The following SLIT3 variants were observed in gnomAD, a reference collection of about 807,000 sequenced individuals.
SLIT3 encodes slit homolog 3 protein.
SLIT3 carries 68 observed loss-of-function variants against 184.0 expected under a neutral mutation model. The ratio of observed to expected loss-of-function variants is 0.37; its 90% confidence interval spans 0.30 to 0.45. SLIT3 has a LOEUF of 0.45. Among genes scored for constraint, SLIT3 ranks in the 20% least tolerant of loss-of-function variants. The pLI is 1.00. For missense variants in SLIT3, 1,707 were observed against 2,026.0 expected (o/e 0.84, Z 3.02); for synonymous variants, 831 against 828.6 (o/e 1.00, Z -0.05).
chr5:169,036,819 T>A (rs1481929587), intron 4 of SLIT3, among the ~76,000 whole-genome samples: 1 of 152,168 alleles, frequency 6.6e-6, no homozygotes, highest in Non-Finnish European at 1.5e-5. Context: ...GTTCAGAGAT[T>A]TCACTCGGTA....
rs550203874 is a variant in SLIT3 at position 168,860,564 on chromosome 5, C to T, written c.486-15909G>A. On this transcript the variant is annotated intron_variant, in intron 5 of 35. Transcript: ENST00000519560. The stretch of plus-strand genomic sequence containing the variant: ...TCTTGGCAGGGGAGAGAGACTGCCC[C>T]TCCCAGAGCTAGCTCATTCCTAGAG... Among the ~76,000 whole-genome samples, 7 of 152,176 alleles carry T rather than the reference C, an allele frequency of 4.6e-5. No homozygotes were observed. The South Asian group carries it at 1.0e-3, about 23-fold the overall frequency.
chr5:168,875,865 T>C (rs910960606), intron 5 of SLIT3, among the ~76,000 whole-genome samples: 3 of 151,922 alleles, frequency 2.0e-5, no homozygotes, highest in African/African-American at 4.8e-5. Context: ...CATTTTTAGG[T>C]AGCACTCAGC....
chr5:169,289,977 GCTAGGGCACACA>G (rs1030747613), intron 1 of SLIT3, among the ~76,000 whole-genome samples: 7 of 151,012 alleles, frequency 4.6e-5, no homozygotes, highest in African/African-American at 1.7e-4. Context: ...TAGGGAATAT[GCTAGGGCACACA>G]CTAGGGCATA....
chr5:169,129,175 G>A (rs1180219549), intron 4 of SLIT3, among the ~76,000 whole-genome samples: 7 of 152,138 alleles, frequency 4.6e-5, no homozygotes, highest in Admixed American at 4.6e-4. Context: ...TTTGCACCAG[G>A]AGAGCACGTG....
chr5:169,202,785 G>A (rs1763943121), intron 3 of SLIT3, among the ~76,000 whole-genome samples: 1 of 150,312 alleles, frequency 6.7e-6, no homozygotes, highest in African/African-American at 2.4e-5. Flanking sequence ...CAAGCACAAA[G>A]CCCCCCCACC....
At chr5:168,777,784 C>T (rs1237852896) in intron 12 of SLIT3, among the ~76,000 whole-genome samples, 1 of 152,320 alleles carries the variant, frequency 6.6e-6, no homozygotes, top group African/African-American at 2.4e-5. Context: ...ATGCTGAGGA[C>T]AGCCTCACTG....
chr5:169,235,793 T>C (rs1301732555), intron 3 of SLIT3, among the ~76,000 whole-genome samples: 5 of 152,232 alleles, frequency 3.3e-5, no homozygotes, highest in African/African-American at 4.8e-5. Context: ...ACTGAGATGA[T>C]GGGTTTCGGG....
intron 4 of SLIT3, among the ~76,000 whole-genome samples, chr5:168,974,083 C>A (rs1754674450): frequency 6.6e-6 from 1 of 152,148 alleles, no homozygotes; most frequent in African/African-American, 2.4e-5. Flanking sequence ...TCTCCACCTA[C>A]CTATCTACCT....
chr5:168,803,348 T>C (rs1756836781), intron 9 of SLIT3, among the ~76,000 whole-genome samples: 1 of 152,244 alleles, frequency 6.6e-6, no homozygotes. Context: ...ATTGTTCTTG[T>C]TTTTCTCACT....
chr5:168,944,400 G>A (rs1459701194), intron 4 of SLIT3, among the ~76,000 whole-genome samples: 2 of 152,156 alleles, frequency 1.3e-5, no homozygotes, highest in South Asian at 2.1e-4. Flanking sequence ...ATAAAGAAAT[G>A]CAGACTTCTG....
intron 4 of SLIT3, among the ~76,000 whole-genome samples, chr5:169,015,141 T>C (rs532832614): frequency 1.9e-4 from 29 of 152,078 alleles, no homozygotes; most frequent in African/African-American, 2.4e-5. Flanking sequence ...TGAGTTGATA[T>C]ATTTGGCTCA....
chr5:168,785,895 G>T lies in SLIT3; in HGVS notation c.1151+12C>A, dbSNP rs754738455. The T allele has an allele frequency of 2.5e-6, 4 of 1,603,336 alleles. No homozygotes were observed. The highest frequency in any genetic ancestry group is 1.1e-5 in the South Asian group (1 of 90,878). On this transcript the variant is annotated intron_variant, in intron 12 of 35. Transcript: ENST00000519560. ...TACCAAAGACACCAACAGTGACAAA[G>T]TTCCTACTCACAGCAGCTGTAGGGA...
At chr5:169,144,064 G>A (rs1000501349) in intron 4 of SLIT3, among the ~76,000 whole-genome samples, 1 of 152,208 alleles carries the variant, frequency 6.6e-6, no homozygotes, top group African/African-American at 2.4e-5. Context: ...AATCTCCATG[G>A]TGTAGATGAG....
At chr5:168,842,489 T>TTTTTTTTTTA (rs1293475229) in intron 6 of SLIT3, among the ~76,000 whole-genome samples, 1 of 147,140 alleles carries the variant, frequency 6.8e-6, no homozygotes, top group African/African-American at 2.5e-5. Context: ...TTTTTTTTTG[T>TTTTTTTTTTA]ATCTGAGTAG....
chr5:168,806,535 C>T lies in SLIT3; in HGVS notation c.846G>A (p.Ser282=), dbSNP rs745827589. 1.2e-5 allele frequency: 20 copies of T among 1,614,094 alleles called. No individual in the cohort carries two copies. The highest frequency in any genetic ancestry group is 8.0e-5 in the African/African-American group (6 of 75,018). Residue 282 remains serine (S), a synonymous_variant, in exon 9 of 36, where the codon TCG becomes TCA. Coordinates refer to ENST00000519560, the MANE Select transcript of SLIT3 (RefSeq NM_003062.4). The part of the protein sequence containing the change: ...SCNANSISCP[S]PCTCSNNIVD... ...CGATGTTATTGCTGCACGTGCAGGG[C>T]GAAGGGCAGGAGATGGAGTTGGCAT... is the stretch of plus-strand genomic sequence containing the variant.
At chr5:168,668,791 T>C (rs983242102) in intron 35 of SLIT3, among the ~76,000 whole-genome samples, 2 of 152,194 alleles carry the variant, frequency 1.3e-5, no homozygotes, top group African/African-American at 4.8e-5. Context: ...CTGCTCAATG[T>C]CATGCAGAGT....
At chr5:168,752,919 C>T (rs754226031) in intron 18 of SLIT3, 36 bp downstream of exon 18, 1 of 1,608,508 alleles carries the variant, frequency 6.2e-7, no homozygotes, top group East Asian at 2.2e-5. Flanking sequence ...GAGTGGGATC[C>T]CAGAGTCCGT....
At chr5:169,286,289 A>C (rs1359489529) in intron 1 of SLIT3, among the ~76,000 whole-genome samples, 1 of 152,194 alleles carries the variant, frequency 6.6e-6, no homozygotes, top group Non-Finnish European at 1.5e-5. Context: ...AGTTTTAAGA[A>C]ACACCGACTG....
At chr5:169,008,640 T>C (rs1003907425) in intron 4 of SLIT3, among the ~76,000 whole-genome samples, 1 of 152,192 alleles carries the variant, frequency 6.6e-6, no homozygotes, top group African/African-American at 2.4e-5. Context: ...TGTTTTGTTG[T>C]TGCTGCTGCT....
Sources: allele counts gnomAD v4.1 joint callset (sites outside exome capture counted in the v4.1 genomes callset), GRCh38; gene constraint gnomAD v4.1.1; transcripts MANE v1.5; gene names NCBI Gene and HGNC (gene_info 2026-07-23, HGNC 2026-07-21).